The following CDC42SE2 variants were observed in gnomAD, a reference collection of about 807,000 sequenced individuals.
CDC42SE2 encodes the protein CDC42 small effector protein 2.
CDC42SE2 carries 3 observed loss-of-function variants against 11.5 expected under a neutral mutation model. That is an observed-to-expected ratio of 0.26 (90% CI 0.12 to 0.67). CDC42SE2 has a LOEUF of 0.67. Ranked by LOEUF, CDC42SE2 falls within the 30% of genes least tolerant of loss-of-function variation. The pLI is 0.80. For missense variants in CDC42SE2, 82 were observed against 106.8 expected (o/e 0.77, Z 1.02); for synonymous variants, 33 against 34.8 (o/e 0.95, Z 0.18).
At chr5:131,252,634 T>A (rs1215377825) in intron 1 of CDC42SE2, among the ~76,000 whole-genome samples, 3 of 152,098 alleles carry the variant, frequency 2.0e-5, no homozygotes, top group African/African-American at 7.2e-5. Context: ...CCAGCCTGGG[T>A]GACAGAGCGA....
At chr5:131,263,684 G>C (rs964663188), upstream of CDC42SE2, 1 of 136,926 alleles carries the variant, frequency 7.3e-6, no homozygotes, top group African/African-American at 2.8e-5. Context: ...CGCAGACGTC[G>C]CTCCTCCGCA....
chr5:131,326,201 T>A (rs899048352), intron 2 of CDC42SE2, among the ~76,000 whole-genome samples: 1 of 151,224 alleles, frequency 6.6e-6, no homozygotes, highest in Non-Finnish European at 1.5e-5. Flanking sequence ...GCCTCCCGGG[T>A]TCACACCATT....
intron 2 of CDC42SE2, among the ~76,000 whole-genome samples, chr5:131,346,458 C>A (rs969783908): frequency 1.3e-5 from 2 of 152,154 alleles, no homozygotes; most frequent in Non-Finnish European, 2.9e-5. Flanking sequence ...GCTAACTGTC[C>A]TAAATATATG....
the CDC42SE2 span, among the ~76,000 whole-genome samples, chr5:131,232,381 C>G: frequency 2.0e-5 from 3 of 152,086 alleles, no homozygotes; most frequent in Non-Finnish European, 4.4e-5. Context: ...CCCCAAAGTG[C>G]TAGGATTACA....
chr5:131,292,318 A>G (rs1000671207), intron 1 of CDC42SE2, among the ~76,000 whole-genome samples: 2 of 151,044 alleles, frequency 1.3e-5, no homozygotes, highest in Non-Finnish European at 2.9e-5. Flanking sequence ...CTGTAATCCC[A>G]GCACTTTGGG....
intron 1 of CDC42SE2, among the ~76,000 whole-genome samples, chr5:131,298,450 C>T (rs968606327): frequency 4.0e-5 from 6 of 150,920 alleles, no homozygotes; most frequent in Non-Finnish European, 5.9e-5. Flanking sequence ...AATTTAGGTA[C>T]CATAGAATCT....
intron 1 of CDC42SE2, among the ~76,000 whole-genome samples, chr5:131,254,227 TTTTTTCACA>T (rs766236593): frequency 6.6e-6 from 1 of 152,004 alleles, no homozygotes; most frequent in Non-Finnish European, 1.5e-5. Context: ...ACACCACAGA[TTTTTTCACA>T]TGTGTATAGA....
chr5:131,365,162 T>C (rs1749817765), intron 3 of CDC42SE2, among the ~76,000 whole-genome samples: 1 of 152,064 alleles, frequency 6.6e-6, no homozygotes, highest in Admixed American at 6.5e-5. Context: ...TGGTGTCGCA[T>C]GCCTGTAATC....
chr5:131,265,767 T>C (rs925723458), intron 1 of CDC42SE2, among the ~76,000 whole-genome samples: 1 of 152,212 alleles, frequency 6.6e-6, no homozygotes. Flanking sequence ...TAATAGAATC[T>C]GTCTACATTT....
chr5:131,362,486 T>TA (rs1240167500), intron 3 of CDC42SE2, among the ~76,000 whole-genome samples: 1 of 152,212 alleles, frequency 6.6e-6, no homozygotes, highest in Non-Finnish European at 1.5e-5. Context: ...TGCCTTATCT[T>TA]AAAGCTGCTT....
At chr5:131,284,890 G>A (rs1757309728) in intron 1 of CDC42SE2, among the ~76,000 whole-genome samples, 2 of 152,106 alleles carry the variant, frequency 1.3e-5, no homozygotes, top group South Asian at 2.1e-4. Context: ...CTATGGTGGT[G>A]TGCGCTTTAG....
chr5:131,347,157 C>T lies in CDC42SE2; in HGVS notation c.-285-12052C>T, dbSNP rs138752772. On this transcript the variant is annotated intron_variant, in intron 2 of 4. Transcript: ENST00000505065. ...AGAAATAACTAAGATCAGAGCTGAACTGAAGGAGATAGAGACACAAAAAAG... is the reference window on the plus strand; with the variant it reads ...AGAAATAACTAAGATCAGAGCTGAATTGAAGGAGATAGAGACACAAAAAAG... 5.9e-3 allele frequency among the ~76,000 whole-genome samples: 903 copies of T among 152,184 alleles called. 10 individuals are homozygous for T. The highest frequency in any genetic ancestry group is 0.021 in the African/African-American group (875 of 41,506).
chr5:131,322,585 A>G (rs924170493), intron 2 of CDC42SE2, among the ~76,000 whole-genome samples: 27 of 152,154 alleles, frequency 1.8e-4, no homozygotes, highest in African/African-American at 6.5e-4. Flanking sequence ...GGGCTCAAGT[A>G]GTACTCTGGC....
chr5:131,223,954 C>G, the CDC42SE2 span, among the ~76,000 whole-genome samples: 1 of 152,168 alleles, frequency 6.6e-6, no homozygotes, highest in African/African-American at 2.4e-5. Flanking sequence ...CTTACCTGAC[C>G]AGCAGCATTT....
chr5:131,300,121 C>T (rs1482472405), intron 1 of CDC42SE2, among the ~76,000 whole-genome samples: 4 of 152,184 alleles, frequency 2.6e-5, no homozygotes, highest in South Asian at 2.1e-4. Context: ...TGTTGGTGAT[C>T]GTGGTAGTGT....
chr5:131,248,800 A>G (rs1465457781), intron 1 of CDC42SE2, among the ~76,000 whole-genome samples: 2 of 152,164 alleles, frequency 1.3e-5, no homozygotes, highest in East Asian at 3.8e-4. Flanking sequence ...TTGTTAAGAA[A>G]CACGAAAAAG....
At chr5:131,211,941 A>C in the CDC42SE2 span, among the ~76,000 whole-genome samples, 1 of 82,178 alleles carries the variant, frequency 1.2e-5, no homozygotes, top group Non-Finnish European at 2.1e-5. Flanking sequence ...CCATGATGGC[A>C]CCACTGGACT....
At chr5:131,282,361 G>GACCCTT in intron 1 of CDC42SE2, among the ~76,000 whole-genome samples, 1 of 152,248 alleles carries the variant, frequency 6.6e-6, no homozygotes, top group Admixed American at 6.5e-5. Flanking sequence ...ATAAACAATA[G>GACCCTT]CAAGTTTCTC....
chr5:131,303,730 C>T (rs1433329721), intron 1 of CDC42SE2, among the ~76,000 whole-genome samples: 2 of 152,190 alleles, frequency 1.3e-5, no homozygotes, highest in Non-Finnish European at 2.9e-5. Flanking sequence ...ATAGGTAGAA[C>T]ATACAGCCTG....
Sources: gnomAD v4.1 joint callset for allele counts (sites outside exome capture counted in the v4.1 genomes callset) on GRCh38, gnomAD v4.1.1 for gene constraint, MANE v1.5 for transcripts, NCBI Gene and HGNC (gene_info 2026-07-23, HGNC 2026-07-21) for gene names.